SYCP2: variants seen among roughly 807,000 people sequenced by gnomAD.
SYCP2 encodes synaptonemal complex protein 2.
Under a neutral mutation model 211.3 loss-of-function variants are expected in SYCP2, and 55 were observed. The ratio of observed to expected loss-of-function variants is 0.26; its 90% CI spans 0.21 to 0.33. The LOEUF is 0.33. SYCP2 is among the 10% of genes least tolerant of loss of function. The probability of loss-of-function intolerance (pLI) is 1.00; values close to 1 mark genes in which losing one functional copy is unlikely to be tolerated. For synonymous variants in SYCP2, 570 were observed against 555.2 expected, an observed-to-expected ratio of 1.03 and a Z score of -0.37; for missense variants, 1,731 against 1,752.0, an observed-to-expected ratio of 0.99 and a Z score of 0.21.
At chr20:59,900,925 A>C in intron 16 of SYCP2, 107 bp from the exon 17 acceptor site, 1 of 831,296 alleles carries the variant, frequency 1.2e-6, no homozygotes, top group Non-Finnish European at 1.9e-6. Flanking sequence ...TTTTCTTCCA[A>C]AATTGCCAAA....
chr20:59,930,318 GAGA>G (rs1364199937), intron 2 of SYCP2, among the ~76,000 whole-genome samples: 2 of 152,192 alleles, frequency 1.3e-5, no homozygotes, highest in South Asian at 2.1e-4. Flanking sequence ...ATTGAATACA[GAGA>G]AGGTTTCAGA....
intron 34 of SYCP2, among the ~76,000 whole-genome samples, 158 bp downstream of exon 34, chr20:59,875,113 A>T (rs1426876019): frequency 6.6e-6 from 1 of 152,104 alleles, no homozygotes; most frequent in Non-Finnish European, 1.5e-5. Context: ...ATGTTATCAA[A>T]AGTCAAGTTA....
chr20:59,917,274 G>A (rs16983285), intron 7 of SYCP2, among the ~76,000 whole-genome samples: 5,215 of 152,140 alleles, frequency 0.034, 259 homozygotes, highest in African/African-American at 0.11. Context: ...TAACCCCAAT[G>A]AAGTTCTAAA....
At chr20:59,882,315 A>T (rs1162022297) in intron 26 of SYCP2, 150 bp from the exon 27 acceptor site, 2 of 653,938 alleles carry the variant, frequency 3.1e-6, no homozygotes, top group Non-Finnish European at 5.4e-6. Flanking sequence ...GCAATAACAG[A>T]TGCTAGTGAG....
chr20:59,875,362 T>C lies in SYCP2; in HGVS notation c.3258A>G (p.Ser1086=). The part of the protein sequence containing the change: ...EKELSKQWKN[S]SLLKDAIRDN... ...CTCGTATAGCATCTTTTAGTAGAGA[T>C]GAGTTTTTCCATTGTTTTGATAGTT... is the stretch of plus-strand genomic sequence containing the variant. Residue 1086 remains serine, a synonymous_variant, in exon 34 of 45, where the codon TCA becomes TCG. Transcript: ENST00000357552. The C allele has an allele frequency of 6.2e-7, 1 of 1,612,588 alleles. No individual in the cohort carries two copies. The highest frequency in any genetic ancestry group is 8.5e-7 in the Non-Finnish European group (1 of 1,179,122).
At chr20:59,928,265 C>T (rs1017389871) in intron 2 of SYCP2, among the ~76,000 whole-genome samples, 1 of 152,108 alleles carries the variant, frequency 6.6e-6, no homozygotes, top group African/African-American at 2.4e-5. Flanking sequence ...CAGACAATTG[C>T]ATTTTTTAAT....
chr20:59,893,720 A>G lies in SYCP2; in HGVS notation c.1666-127T>C, dbSNP rs951596042. On this transcript the variant is annotated intron_variant, in intron 20 of 44. Transcript: ENST00000357552. ...ATATGAAAAGTTGGATACTATTTTTATATATTTCATAAACGTTATGCCCGT... is the reference window on the plus strand; with the variant it reads ...ATATGAAAAGTTGGATACTATTTTTGTATATTTCATAAACGTTATGCCCGT... 2.4e-5 allele frequency: 14 copies of G among 579,826 alleles called. No homozygotes were observed. The African/African-American group carries it at 2.7e-4, about 11-fold the overall frequency. The allele number at this position is 579,826 out of a possible 1,614,324, so 35.9% of individuals were successfully genotyped here.
chr20:59,892,909 G>A (rs532653691), intron 22 of SYCP2, among the ~76,000 whole-genome samples: 2 of 151,816 alleles, frequency 1.3e-5, no homozygotes, highest in African/African-American at 4.8e-5. Flanking sequence ...CACATTCATT[G>A]TTTATACATT....
chr20:59,909,386 A>T (rs1445222606), intron 14 of SYCP2, among the ~76,000 whole-genome samples: 1 of 152,184 alleles, frequency 6.6e-6, no homozygotes, highest in Admixed American at 6.5e-5. Flanking sequence ...GATTCTATCA[A>T]TTTCCATCCA....
chr20:59,910,693 TTTCTC>T (rs545315078), intron 14 of SYCP2, among the ~76,000 whole-genome samples: 96 of 151,934 alleles, frequency 6.3e-4, no homozygotes, highest in African/African-American at 1.9e-3. Context: ...TAACAATACT[TTTCTC>T]TTCTCCCAAA....
rs778793140 is a variant in SYCP2 at position 59,869,826 on chromosome 20, T to C, written c.3713A>G (p.Asn1238Ser). The change falls in exon 36 of 45, where the codon AAT becomes AGT. Residue 1238 changes from asparagine to serine, a missense_variant. Transcript: ENST00000357552. ...TCTTTTGCTTTGTATATAATTTTCA[T>C]TGATATGTGGAGATTCAATTTCCAT... is the stretch of plus-strand genomic sequence containing the variant. Reference protein sequence around the residue: ...RFMEIESPHINENYIQSKREE... With the variant: ...RFMEIESPHISENYIQSKREE... The C allele has an allele frequency of 5.6e-6, 9 of 1,605,476 alleles. No homozygotes were observed. The highest frequency in any genetic ancestry group is 1.7e-4 in the Middle Eastern group (1 of 5,918).
intron 2 of SYCP2, among the ~76,000 whole-genome samples, chr20:59,925,633 T>C (rs922542336): frequency 1.3e-5 from 2 of 151,896 alleles, no homozygotes; most frequent in Non-Finnish European, 2.9e-5. Flanking sequence ...CCTTCCACCT[T>C]CAAAAGAGTC....
intron 32 of SYCP2, 35 bp downstream of exon 32, chr20:59,877,973 T>C: frequency 6.6e-7 from 1 of 1,526,194 alleles, no homozygotes; most frequent in Non-Finnish European, 9.0e-7. Context: ...AAAATAATTT[T>C]AAAGGGATGT....
chr20:59,930,223 C>T (rs2060711289), intron 2 of SYCP2, among the ~76,000 whole-genome samples: 1 of 152,066 alleles, frequency 6.6e-6, no homozygotes, highest in African/African-American at 2.4e-5. Context: ...ATTAATTACA[C>T]TATTCTGCTT....
chr20:59,912,355 GTTAAA>G lies in SYCP2; in HGVS notation c.876+13_876+17del, dbSNP rs759999829. 40 of 938,594 alleles carry G rather than the reference GTTAAA, an allele frequency of 4.3e-5. No homozygotes were observed. In the South Asian group the frequency reaches 5.2e-4, roughly 12 times the overall value. 58.1% of individuals were successfully genotyped at this position (938,594 alleles called of 1,614,324 possible). On this transcript the variant is annotated intron_variant, in intron 13 of 44. Coordinates refer to ENST00000357552, the MANE Select transcript of SYCP2 (RefSeq NM_014258.4). ...ATTCATGCAATAACTAAAATAATGT[GTTAAA>G]TTAAAATTTTACCTCATATTTATCA...
intron 43 of SYCP2, 21 bp downstream of exon 43, chr20:59,865,552 T>TAA (rs1390683281): frequency 8.2e-6 from 13 of 1,588,406 alleles, no homozygotes; most frequent in Non-Finnish European, 1.1e-5. Flanking sequence ...AGGTAACCTA[T>TAA]AAAAAGCATA....
intron 2 of SYCP2, among the ~76,000 whole-genome samples, chr20:59,931,078 T>C (rs1294378021): frequency 6.6e-6 from 1 of 152,234 alleles, no homozygotes; most frequent in Admixed American, 6.5e-5. Flanking sequence ...ATATCCATAA[T>C]AAATGCATTC....
At chr20:59,912,210 A>T in intron 13 of SYCP2, 163 bp downstream of exon 13, 1 of 471,158 alleles carries the variant, frequency 2.1e-6, no homozygotes, top group South Asian at 2.5e-5. Flanking sequence ...CTGTTCCATA[A>T]AACTTCTCCT....
intron 15 of SYCP2, among the ~76,000 whole-genome samples, chr20:59,903,645 A>G (rs1288167404): frequency 6.6e-6 from 1 of 152,174 alleles, no homozygotes; most frequent in Non-Finnish European, 1.5e-5. Flanking sequence ...ACAGATACAA[A>G]GATGTTTGGA....
Sources: gnomAD v4.1 joint callset for allele counts (sites outside exome capture counted in the v4.1 genomes callset) on GRCh38, gnomAD v4.1.1 for gene constraint, MANE v1.5 for transcripts, NCBI Gene and HGNC (gene_info 2026-07-23, HGNC 2026-07-21) for gene names.